Variants in SEMA5B observed in about 807,000 individuals in gnomAD.
The protein encoded by SEMA5B is semaphorin 5B, also known as semaphorin-5B.
In SEMA5B, 66 loss-of-function variants were observed where a neutral mutation model predicts 135.0. The ratio of observed to expected loss-of-function variants is 0.49; its 90% CI spans 0.40 to 0.60. The LOEUF (loss-of-function observed/expected upper bound fraction) is 0.60, where lower values mean the gene tolerates loss of function less well. SEMA5B is among the 20% of genes least tolerant of loss of function. The probability of loss-of-function intolerance (pLI) is 0.00; values close to 1 mark genes in which losing one functional copy is unlikely to be tolerated. For missense variants in SEMA5B, 1,501 were observed against 1,566.3 expected, an observed-to-expected ratio of 0.96 and a Z score of 0.70; for synonymous variants, 690 against 639.5, an observed-to-expected ratio of 1.08 and a Z score of -1.19.
At chr3:123,002,875 T>C (rs1402408215) in intron 1 of SEMA5B, among the ~76,000 whole-genome samples, 1 of 152,180 alleles carries the variant, frequency 6.6e-6, no homozygotes, top group Non-Finnish European at 1.5e-5. Context: ...TTTTCTTATC[T>C]GTAAAATGGT....
At chr3:122,979,737 G>A (rs773461876) in intron 1 of SEMA5B, among the ~76,000 whole-genome samples, 4 of 152,154 alleles carry the variant, frequency 2.6e-5, no homozygotes, top group Non-Finnish European at 5.9e-5. Context: ...CCCAAGGCCG[G>A]GACCGTGTTG....
intron 14 of SEMA5B, among the ~76,000 whole-genome samples, 170 bp from the exon 15 acceptor site, chr3:122,914,171 C>G (rs1489353865): frequency 6.6e-6 from 1 of 152,224 alleles, no homozygotes; most frequent in African/African-American, 2.4e-5. Flanking sequence ...CTCATCCATC[C>G]GTTCATTTAT....
At position 122,951,056 on chromosome 3, in the gene SEMA5B, C is replaced by T. The variant is rs570054353; in HGVS notation, c.125-2347G>A. Reference sequence around the variant, plus strand: ...TCAAGCGATCCTTCCAGCTCAGCCTCTCTAGTGGTTGGGACCACAGGCATG... The same window carrying T: ...TCAAGCGATCCTTCCAGCTCAGCCTTTCTAGTGGTTGGGACCACAGGCATG... On this transcript the variant is annotated intron_variant, in intron 2 of 22. Coordinates refer to ENST00000357599, the MANE Select transcript of SEMA5B (RefSeq NM_001031702.4). Among the ~76,000 whole-genome samples the T allele has an allele frequency of 1.6e-4, 24 of 152,278 alleles. No individual in the cohort carries two copies. The South Asian group carries it at 4.4e-3, about 28-fold the overall frequency.
At chr3:122,968,202 A>G (rs925178338) in intron 1 of SEMA5B, among the ~76,000 whole-genome samples, 3 of 152,234 alleles carry the variant, frequency 2.0e-5, no homozygotes, top group Non-Finnish European at 2.9e-5. Context: ...TTAGTGTAAA[A>G]AGGGCCTTGG....
intron 2 of SEMA5B, among the ~76,000 whole-genome samples, chr3:122,957,087 A>C (rs1940355694): frequency 6.6e-6 from 1 of 152,204 alleles, no homozygotes; most frequent in Non-Finnish European, 1.5e-5. Flanking sequence ...AGCAGGACCG[A>C]GGCCAAATCA....
intron 3 of SEMA5B, among the ~76,000 whole-genome samples, chr3:122,944,139 C>T (rs1460190567): frequency 1.3e-5 from 2 of 152,224 alleles, no homozygotes; most frequent in African/African-American, 2.4e-5. Flanking sequence ...GGTCCACTGT[C>T]CTCCCAAGTC....
intron 1 of SEMA5B, among the ~76,000 whole-genome samples, chr3:122,977,504 T>C (rs542270843): frequency 3.3e-5 from 5 of 152,310 alleles, no homozygotes; most frequent in South Asian, 4.1e-4. Flanking sequence ...TCCTGTCTTA[T>C]GGAGAGCATC....
intron 14 of SEMA5B, among the ~76,000 whole-genome samples, 188 bp downstream of exon 14, chr3:122,915,252 A>T (rs1191625355): frequency 6.6e-6 from 1 of 152,192 alleles, no homozygotes; most frequent in Non-Finnish European, 1.5e-5. Flanking sequence ...CTTCTCTCTC[A>T]CTAGCGTGGA....
At chr3:122,984,437 C>T (rs1941631962) in intron 1 of SEMA5B, among the ~76,000 whole-genome samples, 1 of 152,214 alleles carries the variant, frequency 6.6e-6, no homozygotes, top group African/African-American at 2.4e-5. Context: ...GCTTGTCAGT[C>T]GGGGGCTGCC....
At chr3:122,993,285 G>T (rs951054092) in intron 1 of SEMA5B, 1 of 152,306 alleles carries the variant, frequency 6.6e-6, no homozygotes, top group Admixed American at 6.5e-5. Flanking sequence ...GAAGCAGCTC[G>T]CAGCACGGCT....
chr3:122,946,162 G>A (rs1053895944), intron 3 of SEMA5B, among the ~76,000 whole-genome samples: 12 of 152,204 alleles, frequency 7.9e-5, no homozygotes, highest in Non-Finnish European at 2.9e-5. Context: ...CCACCTTGTG[G>A]ATTAACCACC....
chr3:122,924,352 G>A (rs182772105), intron 9 of SEMA5B, among the ~76,000 whole-genome samples: 36 of 152,108 alleles, frequency 2.4e-4, no homozygotes, highest in South Asian at 6.3e-4. Context: ...TATATTCTTC[G>A]CATTTAGTTC....
At chr3:122,982,933 C>G (rs1267336690) in intron 1 of SEMA5B, among the ~76,000 whole-genome samples, 1 of 152,220 alleles carries the variant, frequency 6.6e-6, no homozygotes, top group African/African-American at 2.4e-5. Flanking sequence ...GTCATTCTCT[C>G]TTTCGAGAGT....
intron 2 of SEMA5B, among the ~76,000 whole-genome samples, chr3:122,955,230 C>G (rs2107580942): frequency 6.6e-6 from 1 of 152,264 alleles, no homozygotes; most frequent in African/African-American, 2.4e-5. Context: ...CTGTCTACCT[C>G]CAGACTCCTT....
chr3:122,926,299 C>T lies in SEMA5B; in HGVS notation c.1136+93G>A. On this transcript the variant is annotated intron_variant, in intron 9 of 22. Transcript: ENST00000357599. Reference sequence around the variant, plus strand: ...AGATGACCCCCGGCAGGAGGCACGGCAGTCCCCATTTTATAGATGAAGCCC... The same window carrying T: ...AGATGACCCCCGGCAGGAGGCACGGTAGTCCCCATTTTATAGATGAAGCCC... The T allele has an allele frequency of 4.0e-6, 5 of 1,237,050 alleles. No homozygotes were observed. In the South Asian group the frequency reaches 6.0e-5, roughly 15 times the overall value. The allele number at this position is 1,237,050 out of a possible 1,614,324, so 76.6% of individuals were successfully genotyped here.
intron 1 of SEMA5B, among the ~76,000 whole-genome samples, chr3:122,977,813 G>A (rs1941382781): frequency 6.6e-6 from 1 of 152,210 alleles, no homozygotes; most frequent in African/African-American, 2.4e-5. Context: ...TGATGCACTA[G>A]GCTTGGCACA....
chr3:122,957,595 G>A (rs1391961125), intron 2 of SEMA5B, among the ~76,000 whole-genome samples: 1 of 152,246 alleles, frequency 6.6e-6, no homozygotes, highest in African/African-American at 2.4e-5. Flanking sequence ...ATGGGGGCTT[G>A]AGTACAAATG....
At chr3:123,019,912 G>C (rs1022289615) in intron 1 of SEMA5B, among the ~76,000 whole-genome samples, 4 of 152,210 alleles carry the variant, frequency 2.6e-5, no homozygotes, top group African/African-American at 9.7e-5. Context: ...TAGGTCAAGG[G>C]ATTCTGACCT....
At chr3:122,975,727 C>T (rs1012835011) in intron 1 of SEMA5B, among the ~76,000 whole-genome samples, 6 of 152,132 alleles carry the variant, frequency 3.9e-5, no homozygotes, top group Non-Finnish European at 7.4e-5. Flanking sequence ...CTCCTAAGTA[C>T]GCTTCCTATC....
Sources: allele counts gnomAD v4.1 joint callset (sites outside exome capture counted in the v4.1 genomes callset), GRCh38; gene constraint gnomAD v4.1.1; transcripts MANE v1.5; gene names NCBI Gene and HGNC (gene_info 2026-07-23, HGNC 2026-07-21).